The following MYRF variants were observed in gnomAD, a reference collection of about 807,000 sequenced individuals.
MYRF encodes myelin gene regulatory factor.
Under a neutral mutation model 126.3 loss-of-function variants are expected in MYRF, and 16 were observed. The ratio of observed to expected loss-of-function variants is 0.13; its 90% CI spans 0.09 to 0.19. The LOEUF is 0.19. Among genes scored for constraint, MYRF ranks in the 10% least tolerant of loss-of-function variants. MYRF has a pLI of 1.00. For synonymous variants in MYRF, 608 were observed against 635.3 expected (o/e 0.96, Z 0.65); for missense variants, 1,104 against 1,547.0 (o/e 0.71, Z 4.80).
chr11:61,788,446 C>G lies in MYRF; in HGVS notation c.*2303C>G, dbSNP rs539927168. The G allele has an allele frequency of 6.6e-6, 1 of 152,396 alleles. No homozygotes were observed. The highest frequency in any genetic ancestry group is 2.4e-5 in the African/African-American group (1 of 41,538). 9.4% of individuals were successfully genotyped at this position (152,396 alleles called of 1,614,324 possible). A position where few individuals can be genotyped will look rare whatever the true frequency, so the allele number is the denominator to read the frequency against. ...AGCCCCGGGCCTGCTTGCTTCCTGT[C>G]CCCGAAATGTTCGTTTCTTCTGAAG... On this transcript the variant is annotated 3_prime_UTR_variant, in exon 27 of 27. Coordinates refer to ENST00000278836, the MANE Select transcript of MYRF (RefSeq NM_001127392.3).
In MYRF at chr11:61,771,667, T is replaced by C; in HGVS notation, c.908T>C (p.Leu303Pro). The C allele has an allele frequency of 6.2e-7, 1 of 1,613,718 alleles. No homozygotes were observed. Among genetic ancestry groups the C allele is most frequent in the Non-Finnish European group, 8.5e-7 (1 of 1,179,964 alleles). Reference sequence around the variant, plus strand: ...CCACCCTGGCCTCCCCAGGGTCCGCTCTCCCCGGGCCCTGGTTCCTTGCCT... The same window carrying C: ...CCACCCTGGCCTCCCCAGGGTCCGCCCTCCCCGGGCCCTGGTTCCTTGCCT... The part of the protein sequence containing the change: ...PSPPWPPQGP[L>P]SPGPGSLPLS... Residue 303 changes from leucine to proline, a missense_variant, in exon 6 of 27, where the codon CTC (leucine) becomes CCC (proline). Leu to Pro is a moderately conservative substitution (Grantham distance 98, BLOSUM62 -3). This residue lies in a region of MYRF where 87 missense variants were observed against 129.2 expected (regional missense o/e 0.67). Transcript: ENST00000278836.
At chr11:61,758,587 C>T (rs1340720938) in intron 1 of MYRF, among the ~76,000 whole-genome samples, 1 of 152,172 alleles carries the variant, frequency 6.6e-6, no homozygotes, top group Non-Finnish European at 1.5e-5. Context: ...GGCCTGTCGT[C>T]GGGTCAGTGA....
Position 61,755,465 on chromosome 11 carries a change from G to C in MYRF, c.46+2675G>C, listed in dbSNP as rs375249070. ...CAGGTAACCGGGCCATGGTATAAGGGGGCTTTGGACTCCAGAGCCAGGGCA... is the reference window on the plus strand; with the variant it reads ...CAGGTAACCGGGCCATGGTATAAGGCGGCTTTGGACTCCAGAGCCAGGGCA... On this transcript the variant is annotated intron_variant, in intron 1 of 26. Transcript: ENST00000278836. The C allele has an allele frequency of 9.9e-6, 16 of 1,608,348 alleles. No homozygotes were observed. The African/African-American group carries it at 1.9e-4, about 19-fold the overall frequency.
At chr11:61,754,189 A>T (rs541734386) in intron 1 of MYRF, 22 of 152,498 alleles carry the variant, frequency 1.4e-4, no homozygotes, top group African/African-American at 4.8e-4. Context: ...GGGAGGCAGG[A>T]ACCCTTGTTC....
chr11:61,780,808 CGCCCCTCTCCTCTGGCTCCTGCT>C lies in MYRF; in HGVS notation c.2486+25_2486+47del, dbSNP rs1565303971. On this transcript the variant is annotated intron_variant, in intron 19 of 26. Coordinates refer to ENST00000278836, the MANE Select transcript of MYRF (RefSeq NM_001127392.3). Reference sequence around the variant, plus strand: ...TGTGCCCATGGTACGTGCTGACCAGCGCCCCTCTCCTCTGGCTCCTGCTGCCCCTCTTCCTGCCTCCCTCCCCT... The same window carrying C: ...TGTGCCCATGGTACGTGCTGACCAGCGCCCCTCTTCCTGCCTCCCTCCCCT... 7.1e-6 allele frequency: 11 copies of C among 1,546,038 alleles called. No individual in the cohort carries two copies. Among genetic ancestry groups the C allele is most frequent in the Non-Finnish European group, 9.6e-6 (11 of 1,149,316 alleles).
Position 61,781,165 on chromosome 11 carries a change from C to T in MYRF, c.2600C>T (p.Pro867Leu). Reference protein sequence around the residue: ...LVTTSLTSSAPGSAVRTLDMC... With the variant: ...LVTTSLTSSALGSAVRTLDMC... Reference sequence around the variant, plus strand: ...ACCACCAGCCTCACCAGCTCGGCCCCAGGTTCTGCTGTCCGCACCTTGGAC... The same window carrying T: ...ACCACCAGCCTCACCAGCTCGGCCCTAGGTTCTGCTGTCCGCACCTTGGAC... The change falls in exon 21 of 27, where the codon CCA (proline) becomes CTA (leucine). Residue 867 changes from proline (P) to leucine (L), a missense_variant. Around this residue, in one of 10 missense-constraint regions of MYRF, gnomAD observed 323 missense variants for 383.1 expected, o/e 0.84. Transcript: ENST00000278836. 6.2e-7 allele frequency: 1 copy of T among 1,613,936 alleles called. No homozygotes were observed. Among genetic ancestry groups the T allele is most frequent in the Admixed American group, 1.7e-5 (1 of 60,022 alleles).
In MYRF at chr11:61,757,789, G is replaced by A. The variant is rs1200505304; in HGVS notation, c.46+4999G>A. 8 of 334,670 alleles carry A rather than the reference G, an allele frequency of 2.4e-5. No individual in the cohort carries two copies. Among genetic ancestry groups the A allele is most frequent in the Middle Eastern group, 1.1e-3 (1 of 892 alleles). 20.7% of individuals were successfully genotyped at this position (334,670 alleles called of 1,614,324 possible). A position where few individuals can be genotyped will look rare whatever the true frequency, so the allele number is the denominator to read the frequency against. Reference sequence around the variant, plus strand: ...GGGGTGCAGTGGAAGCGTGGGTGACGGCCTCCCATTTCTGAGGGGGACTGT... The same window carrying A: ...GGGGTGCAGTGGAAGCGTGGGTGACAGCCTCCCATTTCTGAGGGGGACTGT... On this transcript the variant is annotated intron_variant, in intron 1 of 26. Transcript: ENST00000278836. This position sits in a 1 kb window ranked among gnomAD's most constrained non-coding sequence, Gnocchi z 4.7.
chr11:61,755,674 C>G, intron 1 of MYRF: 1 of 706,634 alleles, frequency 1.4e-6, no homozygotes, highest in South Asian at 1.5e-5. Flanking sequence ...AACCTCAGCT[C>G]TGAAGAAGCT....
intron 1 of MYRF, among the ~76,000 whole-genome samples, chr11:61,759,738 G>C (rs988501374): frequency 2.0e-5 from 3 of 152,038 alleles, no homozygotes; most frequent in Non-Finnish European, 4.4e-5. Flanking sequence ...CTGCATTTTT[G>C]GTAAGAAGCT....
intron 17 of MYRF, 81 bp from the exon 18 acceptor site, chr11:61,780,141 C>T (rs753912976): frequency 6.6e-7 from 1 of 1,523,094 alleles, no homozygotes; most frequent in African/African-American, 1.4e-5. Flanking sequence ...GCCTCAGGAG[C>T]AAGGACCACA....
Position 61,787,339 on chromosome 11 carries a change from A to G in MYRF, c.*1196A>G, listed in dbSNP as rs186683923. 1 of 152,238 alleles carries G rather than the reference A, an allele frequency of 6.6e-6. No homozygotes were observed. The highest frequency in any genetic ancestry group is 1.9e-4 in the East Asian group (1 of 5,294). The allele number at this position is 152,238 out of a possible 1,614,324, so 9.4% of individuals were successfully genotyped here. A position where few individuals can be genotyped will look rare whatever the true frequency, so the allele number is the denominator to read the frequency against. ...AGTTGTATCTTAAGTGCCACCTTCA[A>G]GTTTCTTAGTGGTGCCTGGTGCATT... On this transcript the variant is annotated 3_prime_UTR_variant, in exon 27 of 27. Transcript: ENST00000278836.
rs2066057715 is a variant in MYRF at position 61,766,225 on chromosome 11, A to G, written c.398+4A>G. ...CCAAGGCTCCCTATGCCCCAGGGTG[A>G]GTAAGGGCAGGGAGTAGGGGGATAC... is the stretch of plus-strand genomic sequence containing the variant. On this transcript the variant is annotated splice_donor_region_variant and intron_variant, in intron 3 of 26. Coordinates refer to ENST00000278836, the MANE Select transcript of MYRF (RefSeq NM_001127392.3). The G allele has an allele frequency of 6.2e-7, 1 of 1,602,090 alleles. No homozygotes were observed. The highest frequency in any genetic ancestry group is 8.5e-7 in the Non-Finnish European group (1 of 1,175,934).
intron 1 of MYRF, 113 bp from the exon 2 acceptor site, chr11:61,765,512 A>G: frequency 1.3e-6 from 1 of 763,774 alleles, no homozygotes. Context: ...GGGAAGGAGC[A>G]GGGGCATCTG....
rs1007896088 is a variant in MYRF, at chr11:61,778,322, G to A, written c.1904-58G>A. On this transcript the variant is annotated intron_variant, in intron 13 of 26. Transcript: ENST00000278836. The surrounding 1 kb of genome is among the most constrained non-coding windows in gnomAD (Gnocchi z 4.6). ...TCTTGCTCCCACTGTACATTACAAA[G>A]CTGTGAGTAGCCCTTTACCACCCCC... 3.5e-6 allele frequency: 4 copies of A among 1,140,188 alleles called. No homozygotes were observed. Among genetic ancestry groups the A allele is most frequent in the African/African-American group, 3.0e-5 (2 of 65,764 alleles). The allele number at this position is 1,140,188 out of a possible 1,614,324, so 70.6% of individuals were successfully genotyped here.
intron 17 of MYRF, 82 bp downstream of exon 17, chr11:61,780,012 C>A: frequency 7.4e-7 from 1 of 1,356,622 alleles, no homozygotes; most frequent in Non-Finnish European, 1.0e-6. Flanking sequence ...TGGGCTCAGG[C>A]CTGGGGGAAG....
At chr11:61,753,791 C>T (rs1255839012) in intron 1 of MYRF, among the ~76,000 whole-genome samples, 1 of 152,182 alleles carries the variant, frequency 6.6e-6, no homozygotes, top group Non-Finnish European at 1.5e-5. Flanking sequence ...ACGACCCCTG[C>T]CCCTCCTGCA....
At chr11:61,763,757 C>T (rs184486872) in intron 1 of MYRF, among the ~76,000 whole-genome samples, 162 of 151,928 alleles carry the variant, frequency 1.1e-3, no homozygotes, top group African/African-American at 3.7e-3. Flanking sequence ...CTCAGCTACT[C>T]GGGAGGCTGA....
intron 1 of MYRF, chr11:61,755,768 G>A (rs1038730971): frequency 2.4e-5 from 14 of 579,758 alleles, no homozygotes; most frequent in Middle Eastern, 5.3e-4. Flanking sequence ...CTAGATTCTA[G>A]GGGCACATGA....
chr11:61,779,116 G>C lies in MYRF; in HGVS notation c.2014-147G>C. 2 of 853,496 alleles carry C rather than the reference G, an allele frequency of 2.3e-6. 1 individual carries two copies. Among genetic ancestry groups the C allele is most frequent in the Non-Finnish European group, 3.6e-6 (2 of 557,842 alleles). The allele number at this position is 853,496 out of a possible 1,614,324, so 52.9% of individuals were successfully genotyped here. A position where few individuals can be genotyped will look rare whatever the true frequency, so the allele number is the denominator to read the frequency against. On this transcript the variant is annotated intron_variant, in intron 14 of 26. Transcript: ENST00000278836. ...AGCCGAGGCTGGATTGGAGGGGCCC[G>C]CCCAGGTAGGGAGACTTTGAGGGCC...
Sources: allele counts gnomAD v4.1 joint callset (sites outside exome capture counted in the v4.1 genomes callset), GRCh38; gene constraint gnomAD v4.1.1; regional missense constraint gnomAD v4.1.1; non-coding constraint Gnocchi (gnomAD v3.1); transcripts MANE v1.5; gene names NCBI Gene and HGNC (gene_info 2026-07-23, HGNC 2026-07-21).